Variants in SEC14L5 observed in about 807,000 individuals in gnomAD.
The protein encoded by SEC14L5 is SEC14-like protein 5.
A neutral mutation model predicts 84.6 loss-of-function variants in SEC14L5; 96 were observed. The observed-to-expected ratio is 1.13, with a 90% CI of 0.96 to 1.34. The LOEUF (loss-of-function observed/expected upper bound fraction) is 1.34. Among genes scored for constraint, SEC14L5 ranks in the 40% most tolerant of loss-of-function variants. The probability of loss-of-function intolerance (pLI) is 0.00; values close to 1 mark genes in which losing one functional copy is unlikely to be tolerated. For missense variants in SEC14L5, 1,224 were observed against 942.5 expected (o/e 1.30, Z -3.91); for synonymous variants, 546 against 383.4 (o/e 1.42, Z -4.95).
intron 2 of SEC14L5, among the ~76,000 whole-genome samples, chr16:4,975,248 G>A (rs1462191057): frequency 2.6e-5 from 4 of 151,766 alleles, no homozygotes; most frequent in African/African-American, 4.8e-5. Context: ...GGAGGTGGGC[G>A]GATCACAAGG....
chr16:5,008,375 C>G (rs545797076), intron 13 of SEC14L5, 46 bp from the exon 14 acceptor site: 18 of 1,420,878 alleles, frequency 1.3e-5, no homozygotes, highest in Non-Finnish European at 1.7e-5. Context: ...CACCCCAGCT[C>G]TACTCTCTCG....
At chr16:4,981,677 G>C (rs761829279) in intron 2 of SEC14L5, among the ~76,000 whole-genome samples, 1 of 152,162 alleles carries the variant, frequency 6.6e-6, no homozygotes, top group Non-Finnish European at 1.5e-5. Flanking sequence ...TGGGGACTGG[G>C]CCCAACTGGG....
At chr16:4,995,030 G>A (rs146515081) in intron 6 of SEC14L5, among the ~76,000 whole-genome samples, 16 of 152,238 alleles carry the variant, frequency 1.1e-4, no homozygotes, top group African/African-American at 3.9e-4. Context: ...ACAAGGTCTG[G>A]ACAATTCGCC....
intron 15 of SEC14L5, among the ~76,000 whole-genome samples, chr16:5,013,882 G>T (rs778965366): frequency 2.6e-5 from 4 of 151,670 alleles, no homozygotes; most frequent in African/African-American, 4.8e-5. Context: ...TTGTAGAGAT[G>T]GGGTCTCACT....
chr16:4,971,207 A>G (rs1301634790), intron 2 of SEC14L5, among the ~76,000 whole-genome samples: 1 of 152,214 alleles, frequency 6.6e-6, no homozygotes, highest in East Asian at 1.9e-4. Context: ...CTATAATCGT[A>G]GCACTTTGGA....
chr16:4,962,498 G>A (rs1323720243), intron 2 of SEC14L5, among the ~76,000 whole-genome samples: 1 of 152,042 alleles, frequency 6.6e-6, no homozygotes, highest in Non-Finnish European at 1.5e-5. Flanking sequence ...GACGAGCTTG[G>A]CCAACATGGT....
intron 2 of SEC14L5, among the ~76,000 whole-genome samples, chr16:4,968,865 A>G (rs1311396948): frequency 6.6e-6 from 1 of 152,254 alleles, no homozygotes; most frequent in East Asian, 1.9e-4. Flanking sequence ...CAGCAATTAC[A>G]TGTTAAAATA....
chr16:4,965,660 CAAAAAAAAAAAAAA>C (rs34483309), intron 2 of SEC14L5, among the ~76,000 whole-genome samples: 1 of 53,100 alleles, frequency 1.9e-5, no homozygotes, highest in Non-Finnish European at 2.9e-5. Flanking sequence ...GACTCCATCT[CAAAAAAAAAAAAAA>C]AAAAAAAAAA....
rs576061830 is a variant in SEC14L5, at chr16:4,991,952, C to A, written c.589C>A (p.Pro197Thr). 6.3e-7 allele frequency: 1 copy of A among 1,597,000 alleles called. No individual in the cohort carries two copies. Among genetic ancestry groups the A allele is most frequent in the Non-Finnish European group, 8.5e-7 (1 of 1,175,496 alleles). Residue 197 changes from proline (P) to threonine (T), a missense_variant, in exon 6 of 16, where the codon CCG becomes ACG. By Grantham distance (38) the Pro-to-Thr change is conservative. Coordinates refer to ENST00000251170, the MANE Select transcript of SEC14L5 (RefSeq NM_014692.2). ...GGAGGATGCCCGCAACCAGGCTGGA[C>A]CGAGGGACCCCAGCTCCCTGGAGGC... Reference protein sequence around the residue: ...REEDARNQAGPRDPSSLEAHG... With the variant: ...REEDARNQAGTRDPSSLEAHG...
intron 8 of SEC14L5, among the ~76,000 whole-genome samples, chr16:4,998,987 A>T (rs2142516221): frequency 6.6e-6 from 1 of 152,298 alleles, no homozygotes; most frequent in South Asian, 2.1e-4. Flanking sequence ...GTCGCCCATC[A>T]CGCATGCTGT....
chr16:4,975,436 G>T (rs1221246828), intron 2 of SEC14L5, among the ~76,000 whole-genome samples: 1 of 126,200 alleles, frequency 7.9e-6, no homozygotes, highest in Non-Finnish European at 1.6e-5. Context: ...TCATGCCACT[G>T]CACTCCAGCC....
At position 4,980,962 on chromosome 16, in the gene SEC14L5, G is replaced by A. The variant is rs117803775; in HGVS notation, c.64-6595G>A. 2.6e-3 allele frequency among the ~76,000 whole-genome samples: 394 copies of A among 152,188 alleles called. 4 individuals carry two copies. In the East Asian group the frequency reaches 0.032, roughly 13 times the overall value. ...TGCAAAGTCCCCATGGCAGGGACAC[G>A]TCGATGTATTGTTCTAAACGCAGCA... On this transcript the variant is annotated intron_variant, in intron 2 of 15. Coordinates refer to ENST00000251170, the MANE Select transcript of SEC14L5 (RefSeq NM_014692.2).
At chr16:5,005,095 G>A (rs976766784) in intron 11 of SEC14L5, among the ~76,000 whole-genome samples, 8 of 152,106 alleles carry the variant, frequency 5.3e-5, no homozygotes, top group African/African-American at 1.9e-4. Context: ...TGGATCACCT[G>A]AGGTCAGGAG....
Position 5,008,232 on chromosome 16 carries a change from T to C in SEC14L5, c.1573-189T>C, listed in dbSNP as rs116251737. On this transcript the variant is annotated intron_variant, in intron 13 of 15. Transcript: ENST00000251170. ...AGCCTGGCCGAGATAAGGATTCTTA[T>C]GCCAGTGATCTGTTGCAGGCGAGGT... is the stretch of plus-strand genomic sequence containing the variant. Among the ~76,000 whole-genome samples, 607 of 152,240 alleles carry C rather than the reference T, an allele frequency of 4.0e-3. 2 individuals are homozygous for C. Among genetic ancestry groups the C allele is most frequent in the African/African-American group, 0.014 (576 of 41,538 alleles).
Position 5,018,262 on chromosome 16 carries a change from G to A in SEC14L5, c.*3292G>A, listed in dbSNP as rs1955896380. On this transcript the variant is annotated 3_prime_UTR_variant, in exon 16 of 16. Transcript: ENST00000251170. ...CTTAATGCTTCGCATCCAAAGACTC[G>A]TTTTCTTCCTGAGGTCGCCTATCCC... The A allele has an allele frequency of 6.6e-6, 1 of 152,212 alleles. No homozygotes were observed. Among genetic ancestry groups the A allele is most frequent in the Admixed American group, 6.5e-5 (1 of 15,282 alleles). The allele number at this position is 152,212 out of a possible 1,614,324, so 9.4% of individuals were successfully genotyped here.
chr16:4,981,364 G>A (rs1242625811), intron 2 of SEC14L5, among the ~76,000 whole-genome samples: 1 of 141,664 alleles, frequency 7.1e-6, no homozygotes, highest in Admixed American at 7.8e-5. Flanking sequence ...CATCCACCTC[G>A]GCCTCCCAAA....
At chr16:4,974,493 G>A (rs4786573) in intron 2 of SEC14L5, among the ~76,000 whole-genome samples, 44,580 of 151,978 alleles carry the variant, frequency 0.29, 6,683 homozygotes, top group Admixed American at 0.35. Flanking sequence ...GTGAGCCACC[G>A]TGCCTGGCCT....
In SEC14L5 at chr16:5,003,519, G is replaced by A. The variant is rs756570367; in HGVS notation, c.1248G>A (p.Leu416=). 6.2e-7 allele frequency: 1 copy of A among 1,612,870 alleles called. No individual in the cohort carries two copies. Among genetic ancestry groups the A allele is most frequent in the Admixed American group, 1.7e-5 (1 of 59,972 alleles). The change falls in exon 11 of 16, where the codon CTG becomes CTA. Residue 416 remains leucine, a synonymous_variant. Coordinates refer to ENST00000251170, the MANE Select transcript of SEC14L5 (RefSeq NM_014692.2). ...TTGAGGACAATTACCCAGAGACCCTGGGTCGGCTGCTCATCGTGCGAGCCC... is the reference window on the plus strand; with the variant it reads ...TTGAGGACAATTACCCAGAGACCCTAGGTCGGCTGCTCATCGTGCGAGCCC... The part of the protein sequence containing the change: ...EVVEDNYPET[L]GRLLIVRAPR...
intron 12 of SEC14L5, among the ~76,000 whole-genome samples, chr16:5,006,802 T>C (rs1955736816): frequency 6.6e-6 from 1 of 152,120 alleles, no homozygotes. Context: ...CACTGAACAG[T>C]GTCCTGCTAA....
Sources: gnomAD v4.1 joint callset for allele counts (sites outside exome capture counted in the v4.1 genomes callset) on GRCh38, gnomAD v4.1.1 for gene constraint, MANE v1.5 for transcripts, NCBI Gene and HGNC (gene_info 2026-07-23, HGNC 2026-07-21) for gene names.